PCP2: variants seen among roughly 807,000 people sequenced by gnomAD.
PCP2 encodes the protein Purkinje cell protein 2 homolog.
PCP2 carries 21 observed loss-of-function variants against 18.3 expected under a neutral mutation model. The ratio of observed to expected loss-of-function variants is 1.14; its 90% CI spans 0.81 to 1.65. The LOEUF is 1.65. Ranked by LOEUF, PCP2 falls within the 40% of genes most tolerant of loss-of-function variation. The probability of loss-of-function intolerance (pLI) is 0.00; values close to 1 mark genes in which losing one functional copy is unlikely to be tolerated. For missense variants in PCP2, 202 were observed against 201.8 expected (o/e 1.00, Z 0.00); for synonymous variants, 85 against 77.6 (o/e 1.10, Z -0.50).
chr19:7,632,633 C>T lies in PCP2; in HGVS notation c.166+83G>A. 1 of 1,577,298 alleles carries T rather than the reference C, an allele frequency of 6.3e-7. No homozygotes were observed. The highest frequency in any genetic ancestry group is 1.1e-5 in the South Asian group (1 of 89,180). ...CACAACCACCTCCCACATCCCGTGC[C>T]CCCAGGCCCTCCAGATGACCACTTG... On this transcript the variant is annotated intron_variant, in intron 2 of 3. Transcript: ENST00000311069. This position sits in a 1 kb window ranked among gnomAD's most constrained non-coding sequence, Gnocchi z 5.2.
At chr19:7,633,121 T>C in intron 1 of PCP2, 1 of 962,510 alleles carries the variant, frequency 1.0e-6, no homozygotes, top group African/African-American at 1.6e-5. Context: ...TGGGGCCTGA[T>C]GAGTGTGGCC....
Position 7,632,663 on chromosome 19 carries a change from G to A in PCP2, c.166+53C>T. The stretch of plus-strand genomic sequence containing the variant: ...GGCCCTCCAGATGACCACTTGCCCT[G>A]CACTCCCACCCCGTTCACGCCCCAT... On this transcript the variant is annotated intron_variant, in intron 2 of 3. Transcript: ENST00000311069. This position sits in a 1 kb window ranked among gnomAD's most constrained non-coding sequence, Gnocchi z 5.2. 6.4e-7 allele frequency: 1 copy of A among 1,552,960 alleles called. No homozygotes were observed. Among genetic ancestry groups the A allele is most frequent in the East Asian group, 2.4e-5 (1 of 42,146 alleles).
rs1177202417 is a variant in PCP2, at chr19:7,632,138, C to T, written c.291+255G>A. The T allele has an allele frequency of 2.9e-5, 18 of 612,554 alleles. No individual in the cohort carries two copies. Among genetic ancestry groups the T allele is most frequent in the Non-Finnish European group, 5.5e-6 (2 of 360,948 alleles). 37.9% of individuals were successfully genotyped at this position (612,554 alleles called of 1,614,324 possible). On this transcript the variant is annotated intron_variant, in intron 3 of 3. Coordinates refer to ENST00000311069, the MANE Select transcript of PCP2 (RefSeq NM_174895.3). The surrounding 1 kb of genome is among the most constrained non-coding windows in gnomAD (Gnocchi z 5.2). ...CCTAGGAAGGGGTCCTATTTTCTCC[C>T]TTTGGCCTCCCCAGAACCTTCAGAC...
At chr19:7,633,091 C>G (rs370736897) in intron 1 of PCP2, 13 of 1,172,416 alleles carry the variant, frequency 1.1e-5, no homozygotes, top group Middle Eastern at 2.9e-4. Flanking sequence ...GGCTCCGATG[C>G]GTGTCCCGCC....
chr19:7,635,699 CAAAACA>C (rs1354969024), upstream of PCP2, among the ~76,000 whole-genome samples: 1 of 151,266 alleles, frequency 6.6e-6, no homozygotes, highest in African/African-American at 2.4e-5. Context: ...CGTCTCTTTA[CAAAACA>C]AAAACAAACA....
In PCP2 at chr19:7,632,459, GC is replaced by G. The variant is rs1568458821; in HGVS notation, c.224del (p.Gly75AlafsTer9). On this transcript the variant is annotated frameshift_variant, in exon 3 of 4. Coordinates refer to ENST00000311069, the MANE Select transcript of PCP2 (RefSeq NM_174895.3). LOFTEE classifies it high-confidence loss of function. This position sits in a 1 kb window ranked among gnomAD's most constrained non-coding sequence, Gnocchi z 5.2. ...TCACACGTTGGTCATCCATGCGGCG[GC>G]CCTGGGTACTGGCCAGCATGTCCAT... ...SLMDMLASTQ[G>X]RRMDDQRVTV... 6.2e-7 allele frequency: 1 copy of G among 1,613,878 alleles called. No homozygotes were observed. Among genetic ancestry groups the G allele is most frequent in the East Asian group, 2.2e-5 (1 of 44,882 alleles).
upstream of PCP2, chr19:7,636,504 G>C (rs1031329013): frequency 3.3e-5 from 5 of 151,152 alleles, no homozygotes; most frequent in Non-Finnish European, 5.9e-5. Context: ...GCCCCCTGGG[G>C]ACAGGCTCCT....
rs571150656 is a variant in PCP2, at chr19:7,632,642, C to G, written c.166+74G>C. 6.4e-7 allele frequency: 1 copy of G among 1,567,518 alleles called. No homozygotes were observed. Among genetic ancestry groups the G allele is most frequent in the Non-Finnish European group, 8.6e-7 (1 of 1,160,024 alleles). On this transcript the variant is annotated intron_variant, in intron 2 of 3. Transcript: ENST00000311069. This position sits in a 1 kb window ranked among gnomAD's most constrained non-coding sequence, Gnocchi z 5.2. ...CTCCCACATCCCGTGCCCCCAGGCC[C>G]TCCAGATGACCACTTGCCCTGCACT...
chr19:7,632,314 C>T lies in PCP2; in HGVS notation c.291+79G>A. 1 of 1,584,432 alleles carries T rather than the reference C, an allele frequency of 6.3e-7. No homozygotes were observed. The highest frequency in any genetic ancestry group is 8.6e-7 in the Non-Finnish European group (1 of 1,165,854). The stretch of plus-strand genomic sequence containing the variant: ...ACAGAGATGGGGCAGGCCCTGTTCC[C>T]TCCTGGCTGGGGTGGAGGGCAGGAT... On this transcript the variant is annotated intron_variant, in intron 3 of 3. Coordinates refer to ENST00000311069, the MANE Select transcript of PCP2 (RefSeq NM_174895.3). The surrounding 1 kb of genome is among the most constrained non-coding windows in gnomAD (Gnocchi z 5.2).
intron 1 of PCP2, chr19:7,633,145 A>G (rs2031401793): frequency 5.2e-6 from 2 of 381,456 alleles, no homozygotes; most frequent in South Asian, 1.1e-4. Context: ...GAGCTGGGAC[A>G]CGAATCAGGG....
At chr19:7,633,796 A>G (rs953866691), upstream of PCP2, 2 of 311,194 alleles carry the variant, frequency 6.4e-6, no homozygotes, top group Non-Finnish European at 1.2e-5. Context: ...GGAGGCCAAC[A>G]GTGTAGGGTG....
chr19:7,633,086 C>G, intron 1 of PCP2: 6 of 1,221,812 alleles, frequency 4.9e-6, no homozygotes, highest in South Asian at 1.6e-5. Flanking sequence ...GGACAGGCTC[C>G]GATGCGTGTC....
At chr19:7,633,879 G>T (rs145592860), upstream of PCP2, 39 of 179,382 alleles carry the variant, frequency 2.2e-4, no homozygotes, top group South Asian at 5.9e-3. Context: ...TCCTGAAAGG[G>T]CAGCTGCCAC....
In PCP2 at chr19:7,632,407, G is replaced by T. The variant is rs745981750; in HGVS notation, c.277C>A (p.Pro93Thr). Reference protein sequence around the residue: ...VTVSSLPGFQPVGSKDGAQKR... With the variant: ...VTVSSLPGFQTVGSKDGAQKR... ...ACATCACCTACCTTGGACCCCACGG[G>T]CTGGAAGCCGGGCAGGCTGCTGACT... The change falls in exon 3 of 4, where the codon CCC becomes ACC. Residue 93 changes from proline to threonine, a missense_variant. Pro to Thr is a conservative substitution (Grantham distance 38). Coordinates refer to ENST00000311069, the MANE Select transcript of PCP2 (RefSeq NM_174895.3). The surrounding 1 kb of genome is among the most constrained non-coding windows in gnomAD (Gnocchi z 5.2). 6 of 1,613,938 alleles carry T rather than the reference G, an allele frequency of 3.7e-6. No individual in the cohort carries two copies. Among genetic ancestry groups the T allele is most frequent in the Non-Finnish European group, 5.1e-6 (6 of 1,179,960 alleles).
Position 7,633,397 on chromosome 19 carries a change from G to A in PCP2, c.51+10C>T, listed in dbSNP as rs1476082246. 3 of 1,565,984 alleles carry A rather than the reference G, an allele frequency of 1.9e-6. No individual in the cohort carries two copies. Among genetic ancestry groups the A allele is most frequent in the Admixed American group, 1.9e-5 (1 of 52,906 alleles). ...GAGCTGGGGGTGGGGTGGGGGCAGG[G>A]CCCTCTCACCTCGGCACAGGGGCCT... On this transcript the variant is annotated intron_variant, in intron 1 of 3. Transcript: ENST00000311069.
intron 3 of PCP2, 76 bp from the exon 4 acceptor site, chr19:7,631,884 G>A (rs1482902120): frequency 3.0e-6 from 4 of 1,336,122 alleles, no homozygotes; most frequent in Admixed American, 2.8e-5. Context: ...AATGGAGAGA[G>A]GGTGCAGGTA....
At position 7,633,573 on chromosome 19, in the gene PCP2, C is replaced by T; in HGVS notation, c.-116G>A. ...ATTCCCCCCATCCCCAAATCCCCAGCTCATGCCCCATCTGCTCCCACCCAA... is the reference window on the plus strand; with the variant it reads ...ATTCCCCCCATCCCCAAATCCCCAGTTCATGCCCCATCTGCTCCCACCCAA... On this transcript the variant is annotated 5_prime_UTR_variant, in exon 1 of 4. Transcript: ENST00000311069. 1 of 989,018 alleles carries T rather than the reference C, an allele frequency of 1.0e-6. No homozygotes were observed. The highest frequency in any genetic ancestry group is 1.5e-6 in the Non-Finnish European group (1 of 652,640). 61.3% of individuals were successfully genotyped at this position (989,018 alleles called of 1,614,324 possible).
chr19:7,632,634 C>T lies in PCP2; in HGVS notation c.166+82G>A. ...ACAACCACCTCCCACATCCCGTGCC[C>T]CCAGGCCCTCCAGATGACCACTTGC... is the stretch of plus-strand genomic sequence containing the variant. On this transcript the variant is annotated intron_variant, in intron 2 of 3. Transcript: ENST00000311069. The surrounding 1 kb of genome is among the most constrained non-coding windows in gnomAD (Gnocchi z 5.2). 1 of 1,574,596 alleles carries T rather than the reference C, an allele frequency of 6.4e-7. No homozygotes were observed. The highest frequency in any genetic ancestry group is 1.3e-5 in the African/African-American group (1 of 74,396).
chr19:7,636,257 A>G (rs370874864), upstream of PCP2: 2 of 152,128 alleles, frequency 1.3e-5, no homozygotes, highest in Admixed American at 1.3e-4. Context: ...GTCTGTTTGC[A>G]CACATACCTC....
Sources: gnomAD v4.1 joint callset for allele counts (sites outside exome capture counted in the v4.1 genomes callset) on GRCh38, gnomAD v4.1.1 for gene constraint, Gnocchi (gnomAD v3.1) non-coding constraint, MANE v1.5 for transcripts, NCBI Gene and HGNC (gene_info 2026-07-23, HGNC 2026-07-21) for gene names.